Variants in SLC41A2 observed in about 807,000 individuals in gnomAD.
SLC41A2 encodes the protein solute carrier family 41 member 2.
A neutral mutation model predicts 58.3 loss-of-function variants in SLC41A2; 32 were observed. The ratio of observed to expected loss-of-function variants is 0.55; its 90% CI spans 0.41 to 0.74. SLC41A2 has a LOEUF of 0.74. Among genes scored for constraint, SLC41A2 ranks in the 30% least tolerant of loss-of-function variants. The pLI, the probability that SLC41A2 is intolerant of heterozygous loss-of-function variation, is 0.00. For synonymous variants in SLC41A2, 190 were observed against 235.0 expected (o/e 0.81, Z 1.75); for missense variants, 514 against 680.6 (o/e 0.76, Z 2.72).
intron 4 of SLC41A2, among the ~76,000 whole-genome samples, chr12:104,892,074 T>C (rs1593085288): frequency 6.6e-6 from 1 of 151,804 alleles, no homozygotes; most frequent in Admixed American, 6.6e-5. Flanking sequence ...CTGAGGCAGG[T>C]GGATCACCTG....
chr12:104,823,015 T>G (rs1208413205), intron 10 of SLC41A2, among the ~76,000 whole-genome samples: 1 of 151,996 alleles, frequency 6.6e-6, no homozygotes, highest in Non-Finnish European at 1.5e-5. Flanking sequence ...AGAAAGAACA[T>G]AGAGAACAAA....
At chr12:104,886,910 C>T (rs4375513) in intron 5 of SLC41A2, among the ~76,000 whole-genome samples, 26,602 of 151,870 alleles carry the variant, frequency 0.18, 4,028 homozygotes, top group African/African-American at 0.4. Flanking sequence ...CATTTTATTA[C>T]TTAAAGACGT....
At chr12:104,805,554 C>T (rs903740580) in intron 10 of SLC41A2, among the ~76,000 whole-genome samples, 1 of 152,192 alleles carries the variant, frequency 6.6e-6, no homozygotes, top group East Asian at 1.9e-4. Flanking sequence ...TTTTCTTCAA[C>T]TTTTCATATA....
intron 3 of SLC41A2, among the ~76,000 whole-genome samples, chr12:104,906,742 G>A (rs115592778): frequency 0.012 from 1,881 of 152,124 alleles, 50 homozygotes; most frequent in African/African-American, 0.043. Context: ...TGCTTTTAAC[G>A]ACGAACGCAT....
At position 104,844,603 on chromosome 12, in the gene SLC41A2, C is replaced by G; in HGVS notation, c.1405G>C (p.Ala469Pro). The G allele has an allele frequency of 6.5e-7, 1 of 1,536,822 alleles. No individual in the cohort carries two copies. ...FFGPGVNNKSAQVLLLLVIPG... is the reference protein window; with the variant it reads ...FFGPGVNNKSPQVLLLLVIPG... ...ATCACTAAAAGCAGTAGAACTTGAG[C>G]AGACTTATTATTTACTCCTGTAATA... The change falls in exon 10 of 11, where the codon GCT (alanine) becomes CCT (proline). Residue 469 changes from alanine to proline, a missense_variant. Coordinates refer to ENST00000258538, the MANE Select transcript of SLC41A2 (RefSeq NM_001352171.3).
intron 1 of SLC41A2, among the ~76,000 whole-genome samples, chr12:104,932,479 G>T (rs1287958334): frequency 6.6e-6 from 1 of 151,932 alleles, no homozygotes; most frequent in Non-Finnish European, 1.5e-5. Flanking sequence ...GCAAAAATTA[G>T]CTGGGCATGA....
At chr12:104,879,390 T>A (rs944341249) in intron 6 of SLC41A2, among the ~76,000 whole-genome samples, 2 of 152,254 alleles carry the variant, frequency 1.3e-5, no homozygotes, top group African/African-American at 4.8e-5. Flanking sequence ...TGCCCATGCC[T>A]ATGTCCCGAA....
At chr12:104,932,477 T>A (rs557522000) in intron 1 of SLC41A2, among the ~76,000 whole-genome samples, 1 of 151,854 alleles carries the variant, frequency 6.6e-6, no homozygotes, top group African/African-American at 2.4e-5. Context: ...ATGCAAAAAT[T>A]AGCTGGGCAT....
At chr12:104,889,700 G>T (rs905710903) in intron 4 of SLC41A2, among the ~76,000 whole-genome samples, 5 of 152,100 alleles carry the variant, frequency 3.3e-5, no homozygotes, top group Non-Finnish European at 7.4e-5. Flanking sequence ...GGTCAACGTA[G>T]ATTATTCCCT....
rs1476397612 is a variant in SLC41A2 at position 104,866,428 on chromosome 12, T to A, written c.1175+4A>T. 1 of 1,607,486 alleles carries A rather than the reference T, an allele frequency of 6.2e-7. No homozygotes were observed. The stretch of plus-strand genomic sequence containing the variant: ...CACACACACACACATATTTTAATAC[T>A]AACCTACTTATAACCATAGCTGTTA... On this transcript the variant is annotated splice_donor_region_variant and intron_variant, in intron 7 of 10. Coordinates refer to ENST00000258538, the MANE Select transcript of SLC41A2 (RefSeq NM_001352171.3).
intron 6 of SLC41A2, among the ~76,000 whole-genome samples, chr12:104,882,113 T>C (rs544620308): frequency 2.3e-4 from 35 of 152,292 alleles, no homozygotes. Context: ...TTAAAGTCTG[T>C]TTTATCAGAG....
chr12:104,868,692 G>A (rs12321666), intron 6 of SLC41A2, among the ~76,000 whole-genome samples: 5,027 of 152,204 alleles, frequency 0.033, 260 homozygotes, highest in African/African-American at 0.11. Flanking sequence ...CCAAAAAGTA[G>A]AAGCAACCTA....
chr12:104,936,927 T>C (rs564783714), intron 1 of SLC41A2, among the ~76,000 whole-genome samples: 66 of 152,322 alleles, frequency 4.3e-4, no homozygotes, highest in African/African-American at 1.5e-3. Context: ...AAGTCAATAT[T>C]TTTAATATTT....
intron 1 of SLC41A2, among the ~76,000 whole-genome samples, chr12:104,940,746 C>T (rs1300779170): frequency 6.6e-6 from 1 of 151,504 alleles, no homozygotes; most frequent in African/African-American, 2.4e-5. Context: ...GGTGAAACCC[C>T]ATCTCTACTA....
intron 10 of SLC41A2, among the ~76,000 whole-genome samples, chr12:104,809,995 T>C (rs1224549210): frequency 6.6e-6 from 1 of 152,192 alleles, no homozygotes; most frequent in Non-Finnish European, 1.5e-5. Flanking sequence ...CAACATCTGA[T>C]TGACGGAATG....
chr12:104,854,529 G>C (rs1040533792), intron 8 of SLC41A2, among the ~76,000 whole-genome samples: 36 of 150,228 alleles, frequency 2.4e-4, no homozygotes, highest in Non-Finnish European at 5.0e-4. Flanking sequence ...CGCCACTGCA[G>C]TCCAGCCTGG....
chr12:104,951,254 T>C (rs1013635943), intron 1 of SLC41A2, among the ~76,000 whole-genome samples: 43 of 152,214 alleles, frequency 2.8e-4, no homozygotes, highest in African/African-American at 9.2e-4. Flanking sequence ...GATAAACTTA[T>C]ACAAGTTAAC....
chr12:104,928,848 GT>G (rs1259667624), intron 1 of SLC41A2, among the ~76,000 whole-genome samples, 154 bp from the exon 2 acceptor site: 1 of 152,104 alleles, frequency 6.6e-6, no homozygotes, highest in East Asian at 1.9e-4. Context: ...AAACATAACT[GT>G]TTTGTGCCAC....
intron 4 of SLC41A2, among the ~76,000 whole-genome samples, chr12:104,891,539 C>G (rs2044969444): frequency 6.7e-6 from 1 of 149,286 alleles, no homozygotes; most frequent in South Asian, 2.1e-4. Flanking sequence ...AACAACTCTA[C>G]TGGTTGTTAA....
Sources: allele counts gnomAD v4.1 joint callset (sites outside exome capture counted in the v4.1 genomes callset), GRCh38; gene constraint gnomAD v4.1.1; transcripts MANE v1.5; gene names NCBI Gene and HGNC (gene_info 2026-07-23, HGNC 2026-07-21).